GTPBP6: variants seen among roughly 807,000 people sequenced by gnomAD.
GTPBP6 encodes the protein putative GTP-binding protein 6.
A neutral mutation model predicts 28.9 loss-of-function variants in GTPBP6; 33 were observed. That is an observed-to-expected ratio of 1.14 (90% confidence interval 0.87 to 1.53). GTPBP6 has a LOEUF of 1.53. Ranked by LOEUF, GTPBP6 falls within the 40% of genes most tolerant of loss-of-function variation. The pLI, the probability that GTPBP6 is intolerant of heterozygous loss-of-function variation, is 0.00. For missense variants in GTPBP6, 507 were observed against 408.3 expected (o/e 1.24, Z -2.08); for synonymous variants, 231 against 192.7 (o/e 1.20, Z -1.65).
At chrX:305,230 C>G (rs1348114473) in intron 9 of GTPBP6, 33 bp from the exon 10 acceptor site, 1 of 1,509,728 alleles carries the variant, frequency 6.6e-7, no homozygotes, top group Non-Finnish European at 9.2e-7. Flanking sequence ...TGGAGACAAG[C>G]AGAACCCGTA....
intron 5 of GTPBP6, among the ~76,000 whole-genome samples, chrX:313,515 T>TC (rs938808178): frequency 6.6e-6 from 1 of 151,080 alleles, no homozygotes; most frequent in Non-Finnish European, 1.5e-5. Context: ...ACTGTGGTCC[T>TC]CCTAAAAGAT....
intron 3 of GTPBP6, 79 bp from the exon 4 acceptor site, chrX:315,099 C>T (rs1195522855): frequency 2.5e-6 from 1 of 398,714 alleles, no homozygotes; most frequent in Admixed American, 4.4e-5. Flanking sequence ...AGGAGGACGT[C>T]TCTAATGCCT....
At chrX:318,554 C>G (rs1356682554) in exon 1 of GTPBP6, 1 of 398,414 alleles carries the variant, frequency 2.5e-6, no homozygotes, top group Admixed American at 4.4e-5. Context: ...CCTCGGCGTT[C>G]TCGTCCGCAT....
intron 2 of GTPBP6, 115 bp downstream of exon 2, chrX:316,799 G>C: frequency 2.5e-6 from 1 of 398,436 alleles, no homozygotes; most frequent in African/African-American, 2.1e-5. Context: ...CCGAGAGGCC[G>C]CTTCCCCTCT....
chrX:311,789 C>A (rs997942944), intron 6 of GTPBP6, 162 bp from the exon 7 acceptor site: 1 of 643,508 alleles, frequency 1.6e-6, no homozygotes, highest in African/African-American at 1.8e-5. Context: ...AGACCCGACG[C>A]GTGGGACAAA....
chrX:312,998 G>C (rs113803942), intron 5 of GTPBP6, 74 bp from the exon 6 acceptor site: 111,886 of 1,373,284 alleles, frequency 0.081, 5,904 homozygotes, highest in African/African-American at 0.26. Flanking sequence ...GCCGCGGAGG[G>C]TCTGCGGGGG....
intron 7 of GTPBP6, 88 bp downstream of exon 7, chrX:311,331 C>CCCCTGGGCAGGGTTGGTGT: frequency 1.2e-6 from 1 of 824,100 alleles, no homozygotes; most frequent in Non-Finnish European, 1.9e-6. Context: ...TGTCCGAGGG[C>CCCCTGGGCAGGGTTGGTGT]CCGACCCCTG....
chrX:310,959 G>A (rs889222494), intron 7 of GTPBP6, among the ~76,000 whole-genome samples: 2 of 151,986 alleles, frequency 1.3e-5, no homozygotes, highest in Non-Finnish European at 2.9e-5. Flanking sequence ...AGGGGTCTGT[G>A]ACGTGGAGCA....
intron 5 of GTPBP6, among the ~76,000 whole-genome samples, chrX:313,343 G>C (rs2070354114): frequency 6.6e-6 from 1 of 152,182 alleles, no homozygotes; most frequent in Non-Finnish European, 1.5e-5. Flanking sequence ...CCCTAGGTTA[G>C]GGTGGGCCCT....
At chrX:314,313 C>G (rs1267034717) in intron 4 of GTPBP6, 96 bp from the exon 5 acceptor site, 1 of 1,034,182 alleles carries the variant, frequency 9.7e-7, no homozygotes, top group African/African-American at 1.6e-5. Flanking sequence ...AGCTGGGCCT[C>G]TGGGCCGAAG....
exon 6 of GTPBP6, chrX:312,894 A>C: frequency 6.2e-7 from 1 of 1,612,698 alleles, no homozygotes; most frequent in Non-Finnish European, 8.5e-7. Flanking sequence ...CTCTCTCAGG[A>C]GACGCTGCTG....
exon 9 of GTPBP6, chrX:307,362 G>A (rs1334204038): frequency 1.9e-6 from 3 of 1,611,856 alleles, no homozygotes; most frequent in African/African-American, 2.7e-5. Context: ...CCGCTCACCT[G>A]AGCTGCGCCC....
Position 315,315 on chromosome X carries a change from G to T in GTPBP6, c.488-16C>A, listed in dbSNP as rs1293963279. The T allele has an allele frequency of 5.0e-6, 2 of 398,472 alleles. No individual in the cohort carries two copies. The highest frequency in any genetic ancestry group is 8.8e-6 in the Non-Finnish European group (2 of 225,994). 24.7% of individuals were successfully genotyped at this position (398,472 alleles called of 1,614,324 possible). A position where few individuals can be genotyped will look rare whatever the true frequency, so the allele number is the denominator to read the frequency against. ...CGGATCTTTTCTAACAGAAAGAGGG[G>T]GTCCCGTCAGAGGCTGGCCGTCCAC... is the stretch of plus-strand genomic sequence containing the variant. On this transcript the variant is annotated splice_polypyrimidine_tract_variant and intron_variant, in intron 2 of 9. Transcript: ENST00000326153.
chrX:308,543 G>A (rs2070220461), intron 7 of GTPBP6, among the ~76,000 whole-genome samples: 1 of 151,998 alleles, frequency 6.6e-6, no homozygotes. Context: ...GCCATGGCCT[G>A]GTTGTGCGTG....
exon 10 of GTPBP6, chrX:304,910 G>A (rs1335769580): frequency 4.1e-5 from 60 of 1,454,586 alleles, no homozygotes; most frequent in East Asian, 4.0e-4. Flanking sequence ...CCGTGTCACC[G>A]GCCTGCACGG....
chrX:318,066 C>T (rs1411003963), intron 1 of GTPBP6, among the ~76,000 whole-genome samples: 1 of 150,432 alleles, frequency 6.6e-6, no homozygotes, highest in Non-Finnish European at 1.5e-5. Flanking sequence ...AAGCCCCGCC[C>T]CTACGTCGCC....
At chrX:313,790 C>A (rs953080916) in intron 5 of GTPBP6, among the ~76,000 whole-genome samples, 3 of 152,138 alleles carry the variant, frequency 2.0e-5, no homozygotes, top group Non-Finnish European at 4.4e-5. Flanking sequence ...GCAGAAGGAG[C>A]CCCTGGAGGG....
chrX:311,292 C>A (rs1167130815), intron 7 of GTPBP6, 127 bp downstream of exon 7: 3 of 485,316 alleles, frequency 6.2e-6, no homozygotes, highest in Non-Finnish European at 1.0e-5. Context: ...GAGTGGGTGT[C>A]CGAGGGCCCG....
At chrX:311,232 GTGCCTGGTCCCCGT>G (rs2070283001) in intron 7 of GTPBP6, among the ~76,000 whole-genome samples, 173 bp downstream of exon 7, 1 of 76,814 alleles carries the variant, frequency 1.3e-5, no homozygotes, top group African/African-American at 5.2e-5. Context: ...GTGTGTCTGA[GTGCCTGGTCCCCGT>G]GCCCAGTGGG....
Sources: gnomAD v4.1 joint callset for allele counts (sites outside exome capture counted in the v4.1 genomes callset) on GRCh38, gnomAD v4.1.1 for gene constraint, MANE v1.5 for transcripts, NCBI Gene and HGNC (gene_info 2026-07-23, HGNC 2026-07-21) for gene names.